The following TMC5 variants were observed in gnomAD, a reference collection of about 807,000 sequenced individuals.
TMC5 encodes the protein transmembrane channel like 5, also known as transmembrane channel-like protein 5.
A neutral mutation model predicts 110.5 loss-of-function variants in TMC5; 86 were observed. That is an observed-to-expected ratio of 0.78 (90% CI 0.65 to 0.93). The LOEUF (loss-of-function observed/expected upper bound fraction) is 0.93. Among genes scored for constraint, TMC5 ranks in the 40% least tolerant of loss-of-function variants. The pLI, the probability that TMC5 is intolerant of heterozygous loss-of-function variation, is 0.00. For missense variants in TMC5, 1,144 were observed against 1,222.8 expected (o/e 0.94, Z 0.96); for synonymous variants, 455 against 439.5 (o/e 1.04, Z -0.44).
intron 5 of TMC5, among the ~76,000 whole-genome samples, chr16:19,453,025 A>ATC (rs1374733861): frequency 1.3e-5 from 2 of 149,782 alleles, no homozygotes; most frequent in Non-Finnish European, 3.0e-5. Context: ...ATATATATAT[A>ATC]TCACAGGAAC....
intron 3 of TMC5, among the ~76,000 whole-genome samples, chr16:19,442,791 G>A (rs1286978610): frequency 2.0e-5 from 3 of 152,166 alleles, no homozygotes; most frequent in African/African-American, 7.2e-5. Flanking sequence ...CTAGGAACAA[G>A]GATATAGGAC....
At chr16:19,417,094 CAAAAA>C (rs60613963), upstream of TMC5, among the ~76,000 whole-genome samples, 11 of 69,176 alleles carry the variant, frequency 1.6e-4, no homozygotes, top group Admixed American at 2.2e-4. Flanking sequence ...ACTCAGTCTT[CAAAAA>C]AAAAAAAAAA....
upstream of TMC5, among the ~76,000 whole-genome samples, chr16:19,415,699 G>C (rs1966873319): frequency 6.6e-6 from 1 of 152,192 alleles, no homozygotes; most frequent in African/African-American, 2.4e-5. Context: ...AGAGTCAAAT[G>C]CTGCCAGGTA....
At chr16:19,446,113 G>A (rs1597176716) in intron 4 of TMC5, among the ~76,000 whole-genome samples, 2 of 150,034 alleles carry the variant, frequency 1.3e-5, no homozygotes, top group African/African-American at 2.5e-5. Context: ...GGGGGAGAGA[G>A]GGAAGGAAGG....
intron 1 of TMC5, among the ~76,000 whole-genome samples, chr16:19,425,052 C>T (rs980560191): frequency 2.6e-5 from 4 of 152,120 alleles, no homozygotes; most frequent in Non-Finnish European, 5.9e-5. Context: ...GGAACCGGAA[C>T]CAAAGACCAA....
At chr16:19,466,572 A>G (rs930547572) in intron 9 of TMC5, among the ~76,000 whole-genome samples, 1 of 152,100 alleles carries the variant, frequency 6.6e-6, no homozygotes, top group Admixed American at 6.6e-5. Flanking sequence ...GGCTGGTCTC[A>G]AACTCCTGAC....
At chr16:19,478,531 C>T (rs114770122) in intron 13 of TMC5, among the ~76,000 whole-genome samples, 16 of 152,244 alleles carry the variant, frequency 1.1e-4, no homozygotes, top group African/African-American at 3.6e-4. Context: ...TTCATCTGTC[C>T]ATCCATGTAT....
chr16:19,455,008 C>T (rs1263004996), intron 5 of TMC5, among the ~76,000 whole-genome samples: 1 of 151,732 alleles, frequency 6.6e-6, no homozygotes, highest in Non-Finnish European at 1.5e-5. Context: ...ATGGTGGTGC[C>T]CCTGTGGTCC....
intron 2 of TMC5, among the ~76,000 whole-genome samples, chr16:19,431,064 G>A (rs1201015280): frequency 6.6e-6 from 1 of 152,104 alleles, no homozygotes; most frequent in Non-Finnish European, 1.5e-5. Context: ...TCAAATAAAT[G>A]ATGGTTCATT....
At chr16:19,493,316 A>C (rs8059179) in intron 19 of TMC5, among the ~76,000 whole-genome samples, 99,499 of 151,520 alleles carry the variant, frequency 0.66, 33,727 homozygotes, top group South Asian at 0.76. Context: ...AAAAAACTTA[A>C]CAATAATTTA....
intron 5 of TMC5, among the ~76,000 whole-genome samples, chr16:19,454,693 A>G (rs1348361388): frequency 6.6e-6 from 1 of 152,216 alleles, no homozygotes; most frequent in Non-Finnish European, 1.5e-5. Flanking sequence ...GTGTCCGTTC[A>G]GCTCTCTGCA....
chr16:19,449,484 C>T (rs1425269369), intron 4 of TMC5, 58 bp from the exon 5 acceptor site: 1 of 1,405,100 alleles, frequency 7.1e-7, no homozygotes, highest in Admixed American at 1.7e-5. Flanking sequence ...CTATTGCATG[C>T]CAGGAATGTC....
At chr16:19,411,714 A>G (rs796416927) in intron 1 of TMC5, 33 of 151,990 alleles carry the variant, frequency 2.2e-4, no homozygotes, top group African/African-American at 7.8e-4. Flanking sequence ...TAATGTGTGC[A>G]TTCCAGAAGG....
chr16:19,429,696 A>C (rs1038666278), intron 1 of TMC5, among the ~76,000 whole-genome samples: 2 of 152,184 alleles, frequency 1.3e-5, no homozygotes, highest in African/African-American at 4.8e-5. Flanking sequence ...CTTTGGTTGA[A>C]ATGAGGTGCC....
intron 5 of TMC5, among the ~76,000 whole-genome samples, chr16:19,455,071 G>A (rs1967833664): frequency 6.6e-6 from 1 of 152,124 alleles, no homozygotes; most frequent in African/African-American, 2.4e-5. Flanking sequence ...GGAGGTCAAG[G>A]CTGCAGTGAG....
rs115989381 is a variant in TMC5 at position 19,444,139 on chromosome 16, G to C, written c.847G>C (p.Val283Leu). Residue 283 changes from valine to leucine, a missense_variant, in exon 4 of 22, where the codon GTG becomes CTG. By Grantham distance (32) the Val-to-Leu change is conservative (BLOSUM62 1). Coordinates refer to ENST00000542583, the MANE Select transcript of TMC5 (RefSeq NM_001261841.2). ...PSFRHRSDDP[V>L]GSLWGENDYP... ...ATTTCGTCACAGGAGTGATGACCCC[G>C]TGGGCAGTCTTTGGGGAGAGAATGA... 6.8e-6 allele frequency: 11 copies of C among 1,613,962 alleles called. No individual in the cohort carries two copies. The South Asian group carries it at 1.2e-4, about 18-fold the overall frequency.
chr16:19,457,969 C>T (rs918274522), intron 5 of TMC5, among the ~76,000 whole-genome samples: 2 of 151,598 alleles, frequency 1.3e-5, no homozygotes, highest in Admixed American at 1.3e-4. Context: ...GGTGATCTGC[C>T]CACCTTGACT....
At chr16:19,477,047 C>T (rs1039887516) in intron 12 of TMC5, 5 of 205,956 alleles carry the variant, frequency 2.4e-5, no homozygotes, top group Admixed American at 5.4e-5. Flanking sequence ...GAGATCGAGA[C>T]CATCCTGGCT....
chr16:19,452,669 A>G (rs549827999), intron 5 of TMC5, among the ~76,000 whole-genome samples: 1 of 152,302 alleles, frequency 6.6e-6, no homozygotes, highest in East Asian at 1.9e-4. Context: ...GTGAGCCGAG[A>G]TCAAAGGGTG....
Sources: gnomAD v4.1 joint callset for allele counts (sites outside exome capture counted in the v4.1 genomes callset) on GRCh38, gnomAD v4.1.1 for gene constraint, MANE v1.5 for transcripts, NCBI Gene and HGNC (gene_info 2026-07-23, HGNC 2026-07-21) for gene names.